Variants in MACF1 observed in about 807,000 individuals in gnomAD.
MACF1 encodes the protein microtubule-actin cross-linking factor 1.
MACF1 carries 193 observed loss-of-function variants against 854.8 expected under a neutral mutation model. The observed-to-expected ratio is 0.23, with a 90% CI of 0.20 to 0.25. MACF1 has a LOEUF of 0.25. Among genes scored for constraint, MACF1 ranks in the 10% least tolerant of loss-of-function variants. MACF1 has a pLI of 1.00. For missense variants in MACF1, 7,722 were observed against 8,929.1 expected, an observed-to-expected ratio of 0.86 and a Z score of 5.45; for synonymous variants, 3,185 against 3,226.7, an observed-to-expected ratio of 0.99 and a Z score of 0.44.
chr1:39,246,278 AAAGTT>A (rs67966942), intron 2 of MACF1, among the ~76,000 whole-genome samples: 90,570 of 151,438 alleles, frequency 0.6, 29,191 homozygotes, highest in South Asian at 0.78. Context: ...TGTGACTTCT[AAAGTT>A]AAGTTCTCAG....
At position 39,415,389 on chromosome 1, in the gene MACF1, G is replaced by A. The variant is rs568460592; in HGVS notation, c.15817-6985G>A. On this transcript the variant is annotated intron_variant, in intron 58 of 100. Transcript: ENST00000564288. ...GTCAGTCAGGCTGGAGTGCTAGAGT[G>A]CAGTGGTGCGATCTCAGCTCACTGC... Among the ~76,000 whole-genome samples, 34 of 151,086 alleles carry A rather than the reference G, an allele frequency of 2.3e-4. No homozygotes were observed. The South Asian group carries it at 6.9e-3, about 31-fold the overall frequency.
chr1:39,451,005 T>A, intron 84 of MACF1, 47 bp from the exon 85 acceptor site: 2 of 1,593,134 alleles, frequency 1.3e-6, no homozygotes, highest in Non-Finnish European at 1.7e-6. Flanking sequence ...GTGGGCCATT[T>A]GTAAAAGGAA....
intron 2 of MACF1, among the ~76,000 whole-genome samples, chr1:39,093,903 T>C (rs560990512): frequency 7.2e-5 from 11 of 152,032 alleles, no homozygotes; most frequent in Admixed American, 2.0e-4. Context: ...CTCAGCCTCC[T>C]GAGTAGCTGG....
At chr1:39,221,301 G>A (rs575118682) in intron 1 of MACF1, among the ~76,000 whole-genome samples, 1 of 152,104 alleles carries the variant, frequency 6.6e-6, no homozygotes, top group Non-Finnish European at 1.5e-5. Context: ...AATCCGTAAA[G>A]GATTTTGAAT....
rs532560236 is a variant in MACF1 at position 39,187,076 on chromosome 1, G to A, written c.221-44106G>A. On this transcript the variant is annotated intron_variant, in intron 2 of 93. Coordinates refer to the MACF1 transcript ENST00000361689. ...GTTTTTTTATTCTTACCCCCTTAAC[G>A]TACACACTTTCTCTTCCCCCTTCTT... Among the ~76,000 whole-genome samples, 12 of 149,060 alleles carry A rather than the reference G, an allele frequency of 8.1e-5. No individual in the cohort carries two copies. The East Asian group carries it at 1.6e-3, about 20-fold the overall frequency.
chr1:39,383,525 G>T (rs544674815), intron 56 of MACF1, among the ~76,000 whole-genome samples: 1 of 152,002 alleles, frequency 6.6e-6, no homozygotes, highest in Admixed American at 6.6e-5. Context: ...TCACATTAAC[G>T]TAAGTAACAT....
At chr1:39,241,622 T>C (rs531144545) in intron 2 of MACF1, among the ~76,000 whole-genome samples, 11 of 131,390 alleles carry the variant, frequency 8.4e-5, no homozygotes, top group Admixed American at 8.3e-4. Context: ...ATCACACCAC[T>C]GCATTCCGGC....
At chr1:39,372,140 C>T (rs1649308697) in intron 51 of MACF1, among the ~76,000 whole-genome samples, 1 of 152,072 alleles carries the variant, frequency 6.6e-6, no homozygotes, top group Non-Finnish European at 1.5e-5. Flanking sequence ...TCAGAGCTTT[C>T]CTTCCTCTAG....
chr1:39,112,963 A>G (rs1642449113), intron 2 of MACF1, among the ~76,000 whole-genome samples: 2 of 152,074 alleles, frequency 1.3e-5, no homozygotes, highest in Admixed American at 1.3e-4. Flanking sequence ...AACCTAGGCT[A>G]CAGAGCAAGA....
chr1:39,283,620 A>G lies in MACF1; in HGVS notation c.915+105A>G, dbSNP rs1645593439. The G allele has an allele frequency of 1.3e-6, 1 of 772,934 alleles. No individual in the cohort carries two copies. Among genetic ancestry groups the G allele is most frequent in the Admixed American group, 2.2e-5 (1 of 46,402 alleles). The allele number at this position is 772,934 out of a possible 1,614,324, so 47.9% of individuals were successfully genotyped here. On this transcript the variant is annotated intron_variant, in intron 9 of 100. Transcript: ENST00000564288. The surrounding 1 kb of genome is among the most constrained non-coding windows in gnomAD (Gnocchi z 4.5). ...ACTTATGGTATACTCATGGTATCAA[A>G]CTATATATCCAGTATCTTTATCATA... is the stretch of plus-strand genomic sequence containing the variant.
chr1:39,316,931 T>C (rs1031546118), intron 28 of MACF1, among the ~76,000 whole-genome samples: 2 of 152,224 alleles, frequency 1.3e-5, no homozygotes, highest in Non-Finnish European at 2.9e-5. Flanking sequence ...TCTGGCTAAA[T>C]GACTTATTTT....
At chr1:39,346,584 G>A (rs1350612009) in intron 40 of MACF1, among the ~76,000 whole-genome samples, 3 of 149,384 alleles carry the variant, frequency 2.0e-5, no homozygotes, top group Non-Finnish European at 4.5e-5. Context: ...CAGTAGTGCA[G>A]TCTCGGCTCA....
chr1:39,313,806 G>T (rs908103877), intron 26 of MACF1, among the ~76,000 whole-genome samples: 1 of 151,754 alleles, frequency 6.6e-6, no homozygotes, highest in Non-Finnish European at 1.5e-5. Flanking sequence ...ATAGAGATGA[G>T]GTCTCACTAT....
intron 88 of MACF1, 73 bp from the exon 89 acceptor site, chr1:39,454,836 A>G: frequency 2.3e-6 from 3 of 1,323,244 alleles, no homozygotes; most frequent in Admixed American, 2.3e-5. Context: ...TGAAAATCAG[A>G]TGAAAAAGGG....
chr1:39,208,084 G>A lies in MACF1; in HGVS notation c.109+2953G>A, dbSNP rs565324361. ...GGAGGTGGAGGTTGCAGTGAGCTGC[G>A]ATCACACCACTGTATTCCAGCCTGG... On this transcript the variant is annotated intron_variant, in intron 1 of 100. Transcript: ENST00000564288. 4.9e-4 allele frequency among the ~76,000 whole-genome samples: 71 copies of A among 145,974 alleles called. 2 individuals are homozygous for A. The highest frequency in any genetic ancestry group is 3.8e-3 in the Admixed American group (55 of 14,510).
chr1:39,331,829 CA>C lies in MACF1; in HGVS notation c.5242del (p.Ile1748PhefsTer9). 1 of 1,614,096 alleles carries C rather than the reference CA, an allele frequency of 6.2e-7. No homozygotes were observed. The highest frequency in any genetic ancestry group is 1.7e-5 in the Admixed American group (1 of 59,988). Reference protein sequence around the residue: ...VSLKSGRKVSIFRAVQEGLID... With the variant: ...VSLKSGRKVSXFRAVQEGLID... The stretch of plus-strand genomic sequence containing the variant: ...GCTTGAAATCAGGCCGGAAGGTTAG[CA>C]TTTTCCGTGCAGTTCAGGAAGGGCT... On this transcript the variant is annotated frameshift_variant, in exon 37 of 101. Transcript: ENST00000564288. LOFTEE classifies it high-confidence loss of function.
intron 6 of MACF1, among the ~76,000 whole-genome samples, chr1:39,262,440 A>G (rs181231541): frequency 6.6e-6 from 1 of 151,250 alleles, no homozygotes; most frequent in Non-Finnish European, 1.5e-5. Context: ...CAGAAGATAC[A>G]AAATTGAACT....
chr1:39,340,820 A>G lies in MACF1; in HGVS notation c.10448A>G (p.Gln3483Arg). The G allele has an allele frequency of 6.2e-6, 10 of 1,613,120 alleles. No homozygotes were observed. The highest frequency in any genetic ancestry group is 7.6e-6 in the Non-Finnish European group (9 of 1,179,750). The change falls in exon 40 of 101, where the codon CAG (glutamine) becomes CGG (arginine). Residue 3483 changes from glutamine to arginine, a missense_variant. Physicochemically the swap from Gln to Arg is conservative, Grantham distance 43 (BLOSUM62 1). Around this residue, in one of 15 missense-constraint regions of MACF1, gnomAD observed 854 missense variants for 852.6 expected, o/e 1.00. Transcript: ENST00000564288. ...ATTTCTTAGACTAAAGTGTTAAATC[A>G]GCACACACAGCTAGAAGGCCGACTT... ...VEIEKTKVLN[Q>R]HTQLEGRLQD...
intron 1 of MACF1, among the ~76,000 whole-genome samples, chr1:39,218,425 T>C (rs1644605110): frequency 6.6e-6 from 1 of 152,224 alleles, no homozygotes; most frequent in Admixed American, 6.5e-5. Flanking sequence ...ATCCAAGTTA[T>C]AGACCTAGTT....
Sources: gnomAD v4.1 joint callset for allele counts (sites outside exome capture counted in the v4.1 genomes callset) on GRCh38, gnomAD v4.1.1 for gene constraint, gnomAD v4.1.1 regional missense constraint, Gnocchi (gnomAD v3.1) non-coding constraint, MANE v1.5 for transcripts, NCBI Gene and HGNC (gene_info 2026-07-23, HGNC 2026-07-21) for gene names.